The following EYS variants were observed in gnomAD, a reference collection of about 807,000 sequenced individuals.
EYS encodes the protein EGF-like photoreceptor maintenance factor.
Under a neutral mutation model 282.1 loss-of-function variants are expected in EYS, and 250 were observed. That is an observed-to-expected ratio of 0.89 (90% CI 0.80 to 0.98). EYS has a LOEUF of 0.98. EYS is among the 50% of genes least tolerant of loss of function. The pLI, the probability that EYS is intolerant of heterozygous loss-of-function variation, is 0.00. For missense variants in EYS, 4,016 were observed against 3,709.0 expected (o/e 1.08, Z -2.15); for synonymous variants, 1,355 against 1,282.9 (o/e 1.06, Z -1.20).
At chr6:65,578,333 G>A (rs561433273) in intron 2 of EYS, among the ~76,000 whole-genome samples, 1 of 151,764 alleles carries the variant, frequency 6.6e-6, no homozygotes, top group African/African-American at 2.4e-5. Flanking sequence ...GGCACAGAAA[G>A]ACAAATACTG....
At chr6:64,258,891 T>A (rs946275337) in intron 30 of EYS, among the ~76,000 whole-genome samples, 1 of 152,014 alleles carries the variant, frequency 6.6e-6, no homozygotes, top group Admixed American at 6.6e-5. Flanking sequence ...GTCAGCCAAA[T>A]ATCTAGATGG....
chr6:64,917,718 T>C (rs1768209714), intron 15 of EYS, among the ~76,000 whole-genome samples: 1 of 151,900 alleles, frequency 6.6e-6, no homozygotes, highest in Admixed American at 6.6e-5. Flanking sequence ...AAGATAACTA[T>C]GTGAAGTAAT....
intron 36 of EYS, among the ~76,000 whole-genome samples, chr6:63,817,369 A>T (rs1473271854): frequency 6.6e-6 from 1 of 152,206 alleles, no homozygotes; most frequent in African/African-American, 2.4e-5. Context: ...ACAGTGCTAC[A>T]AAAGCCCAAG....
intron 26 of EYS, among the ~76,000 whole-genome samples, chr6:64,518,602 G>A (rs961923313): frequency 2.0e-5 from 3 of 151,516 alleles, no homozygotes; most frequent in South Asian, 2.1e-4. Context: ...CTATTGACCC[G>A]ACGGGAATGA....
At chr6:65,371,312 T>C (rs1321539093) in intron 8 of EYS, among the ~76,000 whole-genome samples, 1 of 151,730 alleles carries the variant, frequency 6.6e-6, no homozygotes, top group Admixed American at 6.7e-5. Flanking sequence ...TGTCCTTTTA[T>C]ATAAGAGACT....
At chr6:64,218,178 G>A (rs1266506040) in intron 31 of EYS, among the ~76,000 whole-genome samples, 1 of 152,072 alleles carries the variant, frequency 6.6e-6, no homozygotes, top group Non-Finnish European at 1.5e-5. Context: ...CCCCTCCATT[G>A]AAATGCCTAC....
intron 30 of EYS, among the ~76,000 whole-genome samples, chr6:64,251,092 GA>G (rs1387093543): frequency 6.6e-6 from 1 of 152,114 alleles, no homozygotes; most frequent in Non-Finnish European, 1.5e-5. Flanking sequence ...TGTCTGATAT[GA>G]ACGTTTATTA....
chr6:64,557,249 C>T (rs1765263408), intron 26 of EYS, among the ~76,000 whole-genome samples: 1 of 121,640 alleles, frequency 8.2e-6, no homozygotes, highest in Admixed American at 8.2e-5. Context: ...CACACACACA[C>T]ACATTTTATT....
chr6:64,278,573 T>C (rs1440726847), intron 30 of EYS, among the ~76,000 whole-genome samples: 1 of 152,142 alleles, frequency 6.6e-6, no homozygotes, highest in African/African-American at 2.4e-5. Flanking sequence ...AACACACTAC[T>C]AAAATATTTC....
chr6:65,586,888 C>T (rs952276288), intron 2 of EYS, among the ~76,000 whole-genome samples: 1 of 151,900 alleles, frequency 6.6e-6, no homozygotes, highest in Non-Finnish European at 1.5e-5. Context: ...ACTAAAATGC[C>T]TTAGTAATTT....
At position 64,909,988 on chromosome 6, in the gene EYS, G is replaced by T. The variant is rs145380790; in HGVS notation, c.2641+2496C>A. 6.3e-3 allele frequency among the ~76,000 whole-genome samples: 955 copies of T among 152,180 alleles called. 10 individuals are homozygous for T. The highest frequency in any genetic ancestry group is 0.043 in the South Asian group (207 of 4,824). On this transcript the variant is annotated intron_variant, in intron 16 of 42. Coordinates refer to ENST00000503581, the MANE Select transcript of EYS (RefSeq NM_001142800.2). ...TTACCTATACTCATATTTATCTAGT[G>T]AGAGACCCTACAGACTGACTAAAAA...
intron 26 of EYS, among the ~76,000 whole-genome samples, chr6:64,517,446 T>C (rs1777595462): frequency 6.6e-6 from 1 of 151,546 alleles, no homozygotes; most frequent in Non-Finnish European, 1.5e-5. Flanking sequence ...GGGTAGAAAA[T>C]AAAAAATGGT....
chr6:65,422,006 C>A (rs1478916783), intron 5 of EYS, among the ~76,000 whole-genome samples: 1 of 151,948 alleles, frequency 6.6e-6, no homozygotes, highest in African/African-American at 2.4e-5. Flanking sequence ...GACAGAGACA[C>A]AAAGTGAGCA....
chr6:65,093,060 A>G lies in EYS; in HGVS notation c.2024-35333T>C, dbSNP rs533412589. ...TTAAAATTAATAAGAGAAAAGTGAC[A>G]TCACATACAAGCAACCCTCATAAAA... On this transcript the variant is annotated intron_variant, in intron 12 of 42. Transcript: ENST00000503581. Among the ~76,000 whole-genome samples the G allele has an allele frequency of 2.0e-5, 3 of 152,222 alleles. No homozygotes were observed. In the East Asian group the frequency reaches 5.8e-4, roughly 29 times the overall value.
chr6:65,466,125 C>A (rs1273792197), intron 5 of EYS, among the ~76,000 whole-genome samples: 1 of 151,930 alleles, frequency 6.6e-6, no homozygotes, highest in Non-Finnish European at 1.5e-5. Flanking sequence ...AATAGTGTAA[C>A]AAGTTTTAAT....
chr6:64,018,587 C>T (rs891070385), intron 33 of EYS, among the ~76,000 whole-genome samples: 1 of 151,944 alleles, frequency 6.6e-6, no homozygotes, highest in African/African-American at 2.4e-5. Context: ...TGATGTCTAG[C>T]ATATGGTAGA....
At chr6:64,177,691 C>T (rs938820055) in intron 31 of EYS, among the ~76,000 whole-genome samples, 3 of 152,124 alleles carry the variant, frequency 2.0e-5, no homozygotes. Flanking sequence ...GTGGCTTCAT[C>T]TACCATGATT....
intron 33 of EYS, among the ~76,000 whole-genome samples, chr6:64,003,450 G>A (rs1053814283): frequency 7.9e-5 from 12 of 152,074 alleles, no homozygotes; most frequent in African/African-American, 2.4e-4. Context: ...AATATGATTG[G>A]ATTAATTTGT....
chr6:64,558,231 A>G (rs1240016021), intron 26 of EYS, among the ~76,000 whole-genome samples: 2 of 151,686 alleles, frequency 1.3e-5, no homozygotes, highest in African/African-American at 4.9e-5. Context: ...TATTTTAATC[A>G]TGAGCATTCT....
Sources: allele counts gnomAD v4.1 joint callset (sites outside exome capture counted in the v4.1 genomes callset), GRCh38; gene constraint gnomAD v4.1.1; transcripts MANE v1.5; gene names NCBI Gene and HGNC (gene_info 2026-07-23, HGNC 2026-07-21).